The following BBS9 variants were observed in gnomAD, a reference collection of about 807,000 sequenced individuals.
BBS9 encodes the protein Bardet-Biedl syndrome 9, also known as protein PTHB1.
A neutral mutation model predicts 117.7 loss-of-function variants in BBS9; 89 were observed. That is an observed-to-expected ratio of 0.76 (90% confidence interval 0.64 to 0.90). The LOEUF (loss-of-function observed/expected upper bound fraction) is 0.90. Among genes scored for constraint, BBS9 ranks in the 40% least tolerant of loss-of-function variants. BBS9 has a pLI of 0.00. For missense variants in BBS9, 982 were observed against 1,042.2 expected (o/e 0.94, Z 0.80); for synonymous variants, 379 against 370.9 (o/e 1.02, Z -0.25).
chr7:33,629,874 T>A (rs1356962522), intron 21 of BBS9, among the ~76,000 whole-genome samples: 1 of 152,244 alleles, frequency 6.6e-6, no homozygotes, highest in African/African-American at 2.4e-5. Flanking sequence ...CTACTGTGGT[T>A]ACCTCTGAGT....
At chr7:33,378,392 A>G (rs922014265) in intron 17 of BBS9, among the ~76,000 whole-genome samples, 4 of 152,124 alleles carry the variant, frequency 2.6e-5, no homozygotes, top group African/African-American at 7.2e-5. Flanking sequence ...ATTATCTTCT[A>G]TTACCTCTCT....
chr7:33,286,575 T>A (rs535917241), intron 9 of BBS9, among the ~76,000 whole-genome samples: 2 of 152,174 alleles, frequency 1.3e-5, no homozygotes, highest in African/African-American at 4.8e-5. Flanking sequence ...AGTTTATTTT[T>A]ATGGGTTCCT....
At chr7:33,392,777 C>A (rs145821148) in intron 19 of BBS9, among the ~76,000 whole-genome samples, 6 of 152,224 alleles carry the variant, frequency 3.9e-5, no homozygotes, top group African/African-American at 1.4e-4. Context: ...TTTTTGTTGT[C>A]ATTAAAATCT....
At chr7:33,583,657 A>G (rs1387067503) in intron 21 of BBS9, among the ~76,000 whole-genome samples, 3 of 152,106 alleles carry the variant, frequency 2.0e-5, no homozygotes, top group Admixed American at 2.0e-4. Context: ...AGGGTATTTG[A>G]GAGCTAGGGC....
At chr7:33,572,604 G>C (rs1282609485) in intron 21 of BBS9, among the ~76,000 whole-genome samples, 2 of 151,968 alleles carry the variant, frequency 1.3e-5, no homozygotes, top group Non-Finnish European at 2.9e-5. Flanking sequence ...ACCAACATCT[G>C]TTACTTTTTC....
chr7:33,248,008 C>T (rs1011054212), intron 5 of BBS9, among the ~76,000 whole-genome samples: 1 of 152,072 alleles, frequency 6.6e-6, no homozygotes, highest in African/African-American at 2.4e-5. Flanking sequence ...GACAGAACAC[C>T]TAGTAATGGT....
chr7:33,156,804 C>T (rs1391566082), intron 4 of BBS9, among the ~76,000 whole-genome samples: 1 of 152,086 alleles, frequency 6.6e-6, no homozygotes, highest in Non-Finnish European at 1.5e-5. Flanking sequence ...CTGTTTATGT[C>T]AGAGGCCTGA....
chr7:33,155,035 G>A (rs952564511), intron 3 of BBS9, among the ~76,000 whole-genome samples: 3 of 152,148 alleles, frequency 2.0e-5, no homozygotes, highest in African/African-American at 4.8e-5. Flanking sequence ...GCTAGTTTCT[G>A]GAAACCACTT....
chr7:33,188,357 A>G (rs1783509277), intron 5 of BBS9, among the ~76,000 whole-genome samples: 1 of 152,272 alleles, frequency 6.6e-6, no homozygotes, highest in Non-Finnish European at 1.5e-5. Context: ...TACTTTTCAG[A>G]CTTTATAGTG....
rs538224619 is a variant in BBS9, at chr7:33,582,055, CTT to C, written c.2522-22809_2522-22808del. ...TTCTTTTCTTTTCTTTTTCTTAAGA[CTT>C]GATGTAAAATCATGACTTGTCTTTT... On this transcript the variant is annotated intron_variant, in intron 21 of 22. Coordinates refer to ENST00000242067, the MANE Select transcript of BBS9 (RefSeq NM_198428.3). Among the ~76,000 whole-genome samples the C allele has an allele frequency of 4.6e-5, 7 of 152,084 alleles. No individual in the cohort carries two copies. The South Asian group carries it at 1.5e-3, about 32-fold the overall frequency.
intron 19 of BBS9, among the ~76,000 whole-genome samples, chr7:33,503,321 T>C (rs1845705095): frequency 6.6e-6 from 1 of 152,100 alleles, no homozygotes. Flanking sequence ...AGCCGCAGAG[T>C]TCTCATCTGT....
intron 5 of BBS9, among the ~76,000 whole-genome samples, chr7:33,232,545 C>A (rs534374719): frequency 1.3e-5 from 2 of 151,936 alleles, no homozygotes; most frequent in African/African-American, 4.8e-5. Flanking sequence ...AATAAAGATG[C>A]TAGAGCTCAT....
At chr7:33,409,228 C>T (rs1164158994) in intron 19 of BBS9, among the ~76,000 whole-genome samples, 2 of 152,150 alleles carry the variant, frequency 1.3e-5, no homozygotes, top group African/African-American at 4.8e-5. Flanking sequence ...AAATTCGTTG[C>T]CACAGCTGAT....
chr7:33,605,183 CT>C lies in BBS9; in HGVS notation c.2633-5del, dbSNP rs761809109. ...TTTCTCTCTCTTTCTCTCTTACTCT[CT>C]TTTTTTCCAGAAGTTTCACCCCTCC... On this transcript the variant is annotated splice_polypyrimidine_tract_variant and intron_variant, in intron 22 of 22. Transcript: ENST00000242067. 4.4e-6 allele frequency: 7 copies of C among 1,608,954 alleles called. No homozygotes were observed. Among genetic ancestry groups the C allele is most frequent in the Middle Eastern group, 1.7e-4 (1 of 6,056 alleles).
chr7:33,503,545 C>CTTTG (rs66509713), intron 19 of BBS9, among the ~76,000 whole-genome samples: 2 of 7,330 alleles, frequency 2.7e-4, no homozygotes, highest in Non-Finnish European at 3.7e-4. Context: ...ACTGATTTTC[C>CTTTG]TATTACAAAC....
intron 21 of BBS9, among the ~76,000 whole-genome samples, chr7:33,576,645 G>T (rs1858934340): frequency 6.6e-6 from 1 of 152,132 alleles, no homozygotes; most frequent in African/African-American, 2.4e-5. Flanking sequence ...CACGCTACCT[G>T]ACTTCAAACT....
At chr7:33,163,616 A>G (rs139353213) in intron 4 of BBS9, among the ~76,000 whole-genome samples, 27,361 of 152,034 alleles carry the variant, frequency 0.18, 2,848 homozygotes, top group East Asian at 0.43. Flanking sequence ...GTTTTTTTGC[A>G]TAGAGGTGTT....
At chr7:33,395,040 C>T (rs897227467) in intron 19 of BBS9, among the ~76,000 whole-genome samples, 19 of 152,110 alleles carry the variant, frequency 1.2e-4, no homozygotes, top group African/African-American at 4.1e-4. Context: ...CCTAGATTTT[C>T]TTTAGCAAAA....
At chr7:33,332,786 C>T (rs1473626125) in intron 9 of BBS9, among the ~76,000 whole-genome samples, 1 of 152,138 alleles carries the variant, frequency 6.6e-6, no homozygotes, top group African/African-American at 2.4e-5. Flanking sequence ...ATTCTTGATA[C>T]AGCTTTTTGA....
Sources: allele counts gnomAD v4.1 joint callset (sites outside exome capture counted in the v4.1 genomes callset), GRCh38; gene constraint gnomAD v4.1.1; transcripts MANE v1.5; gene names NCBI Gene and HGNC (gene_info 2026-07-23, HGNC 2026-07-21).